Variants in MECOM observed in about 807,000 individuals in gnomAD.
MECOM encodes histone-lysine N-methyltransferase MECOM.
MECOM carries 13 observed loss-of-function variants against 116.3 expected under a neutral mutation model. The observed-to-expected ratio is 0.11, with a 90% CI of 0.07 to 0.18. The LOEUF (loss-of-function observed/expected upper bound fraction) is 0.18. MECOM is among the 10% of genes least tolerant of loss of function. The probability of loss-of-function intolerance (pLI) is 1.00; values close to 1 mark genes in which losing one functional copy is unlikely to be tolerated. For missense variants in MECOM, 1,299 were observed against 1,509.0 expected (o/e 0.86, Z 2.31); for synonymous variants, 528 against 535.2 (o/e 0.99, Z 0.19).
At position 169,569,866 on chromosome 3, in the gene MECOM, C is replaced by T. The variant is rs147993411; in HGVS notation, c.37+93470G>A. Among the ~76,000 whole-genome samples, 23 of 152,194 alleles carry T rather than the reference C, an allele frequency of 1.5e-4. No homozygotes were observed. In the South Asian group the frequency reaches 3.5e-3, roughly 23 times the overall value. ...GCAGTGTTTAGAGAGAAATTTATAG[C>T]GCTAAATGCCCACAGGAGAAAGCAG... On this transcript the variant is annotated intron_variant, in intron 1 of 16. Transcript: ENST00000651503.
intron 1 of MECOM, among the ~76,000 whole-genome samples, chr3:169,542,588 A>G (rs1169869945): frequency 6.6e-6 from 1 of 152,250 alleles, no homozygotes; most frequent in African/African-American, 2.4e-5. Flanking sequence ...TGTTATGATT[A>G]GCCCCTGACT....
intron 1 of MECOM, among the ~76,000 whole-genome samples, chr3:169,643,269 C>A (rs1420765381): frequency 1.3e-5 from 2 of 152,126 alleles, no homozygotes; most frequent in African/African-American, 2.4e-5. Context: ...TAAATTACAT[C>A]AGTCATCAAT....
chr3:169,403,900 A>G (rs1736259005), intron 1 of MECOM, among the ~76,000 whole-genome samples: 1 of 152,222 alleles, frequency 6.6e-6, no homozygotes, highest in Non-Finnish European at 1.5e-5. Flanking sequence ...AATAAAATTT[A>G]GATTTATAAG....
chr3:169,433,637 A>G (rs201162882), intron 1 of MECOM, among the ~76,000 whole-genome samples: 1,543 of 87,422 alleles, frequency 0.018, 18 homozygotes, highest in Non-Finnish European at 0.028. Flanking sequence ...AAGAAAGAGA[A>G]AGAGAAAGAA....
At chr3:169,164,562 C>A (rs1430485089) in intron 2 of MECOM, among the ~76,000 whole-genome samples, 1 of 152,092 alleles carries the variant, frequency 6.6e-6, no homozygotes, top group Non-Finnish European at 1.5e-5. Flanking sequence ...TACTAAGGTT[C>A]TCAAAAGTGA....
intron 1 of MECOM, among the ~76,000 whole-genome samples, chr3:169,603,220 G>T (rs1408085285): frequency 1.3e-5 from 2 of 152,092 alleles, no homozygotes; most frequent in East Asian, 1.9e-4. Flanking sequence ...CGTAGGCCTA[G>T]GCTAATGTGT....
chr3:169,253,418 ACTT>A (rs1488373255), intron 2 of MECOM, among the ~76,000 whole-genome samples: 3 of 150,072 alleles, frequency 2.0e-5, no homozygotes, highest in Non-Finnish European at 3.0e-5. Flanking sequence ...GAGCTATTCG[ACTT>A]CTTTTCCTAA....
At chr3:169,539,677 C>T (rs556352272) in intron 1 of MECOM, among the ~76,000 whole-genome samples, 19 of 152,290 alleles carry the variant, frequency 1.2e-4, no homozygotes, top group African/African-American at 4.3e-4. Context: ...CCAGCTGATC[C>T]CTCAAGATCC....
At position 169,472,520 on chromosome 3, in the gene MECOM, AAG is replaced by A. The variant is rs1560317828; in HGVS notation, c.38-90998_38-90997del. On this transcript the variant is annotated intron_variant, in intron 1 of 16. Coordinates refer to ENST00000651503, the MANE Select transcript of MECOM (RefSeq NM_004991.4). ...AAGGAAAGGAAAGGAAAGGAAAGGA[AAG>A]AAAAGAAAAGAAAAGGAAAGGAAAG... Among the ~76,000 whole-genome samples the A allele has an allele frequency of 4.3e-5, 4 of 91,966 alleles. 1 individual carries two copies. The highest frequency in any genetic ancestry group is 1.1e-4 in the African/African-American group (2 of 17,674). 60.3% of individuals were successfully genotyped at this position (91,966 alleles called of 152,430 possible). A position where few individuals can be genotyped will look rare whatever the true frequency, so the allele number is the denominator to read the frequency against.
At chr3:169,625,905 A>C (rs1051692891) in intron 1 of MECOM, among the ~76,000 whole-genome samples, 3 of 152,206 alleles carry the variant, frequency 2.0e-5, no homozygotes, top group African/African-American at 7.2e-5. Context: ...CCCATTTCAG[A>C]CCCAACTCAG....
chr3:169,488,564 A>T (rs189027289), intron 1 of MECOM, among the ~76,000 whole-genome samples: 3 of 152,054 alleles, frequency 2.0e-5, no homozygotes, highest in Admixed American at 2.0e-4. Flanking sequence ...AAAAAGTAAT[A>T]AAAGTAATAA....
intron 2 of MECOM, among the ~76,000 whole-genome samples, chr3:169,203,569 T>A (rs897990891): frequency 6.6e-6 from 1 of 152,192 alleles, no homozygotes; most frequent in Non-Finnish European, 1.5e-5. Flanking sequence ...TGTATGATTA[T>A]AATAATCATT....
At chr3:169,318,489 T>A (rs973404187) in intron 2 of MECOM, among the ~76,000 whole-genome samples, 1 of 152,138 alleles carries the variant, frequency 6.6e-6, no homozygotes, top group Non-Finnish European at 1.5e-5. Flanking sequence ...AAAGAAGACA[T>A]TTATGTGACC....
intron 2 of MECOM, among the ~76,000 whole-genome samples, chr3:169,213,694 T>C (rs1751074733): frequency 6.6e-6 from 1 of 152,168 alleles, no homozygotes; most frequent in South Asian, 2.1e-4. Flanking sequence ...CAAAGTTATG[T>C]TTTGGTACTC....
chr3:169,100,321 A>T lies in MECOM; in HGVS notation c.2849+564T>A, dbSNP rs866759850. On this transcript the variant is annotated intron_variant, in intron 12 of 16. Transcript: ENST00000651503. ...ACCATGTTAGCCAGGCTGATCTCAA[A>T]CTCCTGACCTCAAGGGATCCACCTG... Among the ~76,000 whole-genome samples the T allele has an allele frequency of 1.9e-4, 28 of 149,582 alleles. 2 individuals are homozygous for T. Among genetic ancestry groups the T allele is most frequent in the South Asian group, 1.1e-3 (5 of 4,742 alleles).
intron 1 of MECOM, among the ~76,000 whole-genome samples, chr3:169,387,623 C>T (rs1733571533): frequency 6.6e-6 from 1 of 152,184 alleles, no homozygotes; most frequent in African/African-American, 2.4e-5. Flanking sequence ...TATATACATA[C>T]TTTGACTATA....
chr3:169,539,248 T>C (rs1050843699), intron 1 of MECOM, among the ~76,000 whole-genome samples: 1 of 152,170 alleles, frequency 6.6e-6, no homozygotes, highest in African/African-American at 2.4e-5. Context: ...TGTGCTAGTT[T>C]CCTCTCAGAG....
At chr3:169,141,142 T>C (rs1737983998) in intron 3 of MECOM, among the ~76,000 whole-genome samples, 1 of 152,120 alleles carries the variant, frequency 6.6e-6, no homozygotes, top group African/African-American at 2.4e-5. Context: ...GTAATCTTTT[T>C]ATTTCTTTGT....
Position 169,146,426 on chromosome 3 carries a change from G to T in MECOM, c.376-2594C>A, listed in dbSNP as rs193183308. 2.9e-4 allele frequency: 409 copies of T among 1,392,098 alleles called. 1 individual carries two copies. The Middle Eastern group carries it at 0.013, about 43-fold the overall frequency. 86.2% of individuals were successfully genotyped at this position (1,392,098 alleles called of 1,614,324 possible). A position where few individuals can be genotyped will look rare whatever the true frequency, so the allele number is the denominator to read the frequency against. On this transcript the variant is annotated intron_variant, in intron 2 of 16. Transcript: ENST00000651503. ...CAGAGACACACGGAGGGAGGGGAAG[G>T]AGGAGAAGAGCGCAAGGAAAAGAGG...
Sources: allele counts gnomAD v4.1 joint callset (sites outside exome capture counted in the v4.1 genomes callset), GRCh38; gene constraint gnomAD v4.1.1; transcripts MANE v1.5; gene names NCBI Gene and HGNC (gene_info 2026-07-23, HGNC 2026-07-21).